Variants in PCDH9 observed in about 807,000 individuals in gnomAD.
PCDH9 encodes protocadherin-9.
A neutral mutation model predicts 70.6 loss-of-function variants in PCDH9; 24 were observed. The observed-to-expected ratio is 0.34, with a 90% CI of 0.25 to 0.48. The LOEUF is 0.48. PCDH9 is among the 20% of genes least tolerant of loss of function. The pLI is 0.99. For missense variants in PCDH9, 1,281 were observed against 1,503.6 expected, an observed-to-expected ratio of 0.85 and a Z score of 2.45; for synonymous variants, 562 against 558.5, an observed-to-expected ratio of 1.01 and a Z score of -0.09.
chr13:66,689,678 T>G (rs1414855586), intron 3 of PCDH9, among the ~76,000 whole-genome samples: 1 of 152,098 alleles, frequency 6.6e-6, no homozygotes, highest in Non-Finnish European at 1.5e-5. Flanking sequence ...AACCTGACAT[T>G]GCTAAAAAAT....
chr13:67,084,303 T>A (rs1217807734), intron 2 of PCDH9, among the ~76,000 whole-genome samples: 1 of 152,086 alleles, frequency 6.6e-6, no homozygotes, highest in Non-Finnish European at 1.5e-5. Context: ...TTCTTTCTGT[T>A]CTAAATTCTT....
intron 2 of PCDH9, chr13:67,214,767 C>G (rs947940432): frequency 6.6e-6 from 1 of 150,888 alleles, no homozygotes; most frequent in Non-Finnish European, 1.5e-5. Flanking sequence ...ACAGGTGAGT[C>G]GTGAAAAAGA....
At chr13:67,128,016 A>C (rs1171597310) in intron 2 of PCDH9, among the ~76,000 whole-genome samples, 2 of 152,142 alleles carry the variant, frequency 1.3e-5, no homozygotes, top group East Asian at 3.9e-4. Context: ...TCATCAAAGT[A>C]ATTAGCTTGT....
At chr13:66,558,083 A>G (rs1457568119) in intron 4 of PCDH9, among the ~76,000 whole-genome samples, 1 of 152,130 alleles carries the variant, frequency 6.6e-6, no homozygotes, top group Non-Finnish European at 1.5e-5. Context: ...TGTGCCCAGG[A>G]GTTTGAGACT....
intron 2 of PCDH9, chr13:67,223,533 A>G (rs2089779820): frequency 6.6e-6 from 1 of 152,138 alleles, no homozygotes; most frequent in South Asian, 2.1e-4. Flanking sequence ...AGAAGTAAAT[A>G]ATTTAAAAAA....
chr13:66,805,608 A>G (rs548992013), intron 3 of PCDH9, among the ~76,000 whole-genome samples: 92 of 152,306 alleles, frequency 6.0e-4, no homozygotes, highest in Non-Finnish European at 1.3e-4. Context: ...ACACCCAACC[A>G]GGTACTTGTC....
At chr13:66,771,403 T>A (rs2079804858) in intron 3 of PCDH9, among the ~76,000 whole-genome samples, 2 of 152,208 alleles carry the variant, frequency 1.3e-5, no homozygotes, top group Non-Finnish European at 2.9e-5. Flanking sequence ...TAGTCTTTAT[T>A]TCCCTTCAGT....
chr13:66,974,228 C>G (rs147520782), intron 2 of PCDH9, among the ~76,000 whole-genome samples: 1 of 151,992 alleles, frequency 6.6e-6, no homozygotes, highest in Non-Finnish European at 1.5e-5. Flanking sequence ...CACTACAATG[C>G]ATCCTCTCAA....
chr13:67,115,276 G>A (rs1157440343), intron 2 of PCDH9, among the ~76,000 whole-genome samples: 1 of 152,126 alleles, frequency 6.6e-6, no homozygotes, highest in African/African-American at 2.4e-5. Context: ...GCCTGGGTGG[G>A]GTTTCAAAGC....
intron 3 of PCDH9, among the ~76,000 whole-genome samples, chr13:66,700,333 A>G (rs979803593): frequency 2.0e-5 from 3 of 152,174 alleles, no homozygotes; most frequent in African/African-American, 7.2e-5. Context: ...GGTCCTGCAG[A>G]AAAAAACCAG....
intron 2 of PCDH9, among the ~76,000 whole-genome samples, chr13:67,055,831 T>C (rs560783502): frequency 1.5e-3 from 231 of 151,970 alleles, no homozygotes; most frequent in African/African-American, 5.3e-3. Flanking sequence ...ACAAAAATAT[T>C]GTCTAAATAC....
chr13:66,845,788 G>A (rs1333802821), intron 3 of PCDH9, among the ~76,000 whole-genome samples: 1 of 152,114 alleles, frequency 6.6e-6, no homozygotes, highest in Non-Finnish European at 1.5e-5. Context: ...TCCCCAAAAA[G>A]GAAAATGTTA....
At chr13:66,870,978 G>A (rs1479454860) in intron 3 of PCDH9, among the ~76,000 whole-genome samples, 2 of 152,038 alleles carry the variant, frequency 1.3e-5, no homozygotes, top group Admixed American at 1.3e-4. Context: ...GCAAAGACTT[G>A]GAACCAACCC....
At chr13:66,391,589 T>A (rs1957018589) in intron 4 of PCDH9, among the ~76,000 whole-genome samples, 2 of 152,096 alleles carry the variant, frequency 1.3e-5, no homozygotes, top group African/African-American at 4.8e-5. Flanking sequence ...TGGCAAGAAG[T>A]CTATGCTCAT....
At chr13:66,527,500 A>G (rs1960268535) in intron 4 of PCDH9, among the ~76,000 whole-genome samples, 1 of 152,248 alleles carries the variant, frequency 6.6e-6, no homozygotes, top group Non-Finnish European at 1.5e-5. Context: ...CCTTACATGA[A>G]CATACTTCTT....
chr13:66,729,846 C>T (rs747858714), intron 3 of PCDH9, among the ~76,000 whole-genome samples: 8 of 152,084 alleles, frequency 5.3e-5, no homozygotes, highest in Non-Finnish European at 1.2e-4. Context: ...TCAAGATTTC[C>T]ACATGTATCA....
chr13:67,171,836 A>G (rs1476830596), intron 2 of PCDH9, among the ~76,000 whole-genome samples: 1 of 152,164 alleles, frequency 6.6e-6, no homozygotes, highest in Non-Finnish European at 1.5e-5. Flanking sequence ...ACCTATGCAA[A>G]GTTCCTAACA....
At chr13:66,959,814 A>G (rs1217446147) in intron 2 of PCDH9, among the ~76,000 whole-genome samples, 1 of 152,108 alleles carries the variant, frequency 6.6e-6, no homozygotes, top group African/African-American at 2.4e-5. Context: ...ACTTGAACTA[A>G]GAAGCTGGAT....
intron 2 of PCDH9, among the ~76,000 whole-genome samples, chr13:67,182,443 C>T (rs1289589115): frequency 6.6e-6 from 1 of 151,912 alleles, no homozygotes; most frequent in South Asian, 2.1e-4. Flanking sequence ...CACCTTTTTT[C>T]GCTATATCTT....
Sources: gnomAD v4.1 joint callset for allele counts (sites outside exome capture counted in the v4.1 genomes callset) on GRCh38, gnomAD v4.1.1 for gene constraint, MANE v1.5 for transcripts, NCBI Gene and HGNC (gene_info 2026-07-23, HGNC 2026-07-21) for gene names.